ZFHX3: variants seen among roughly 807,000 people sequenced by gnomAD.
ZFHX3 encodes the protein zinc finger homeobox protein 3.
ZFHX3 carries 42 observed loss-of-function variants against 279.1 expected under a neutral mutation model. That is an observed-to-expected ratio of 0.15 (90% CI 0.12 to 0.19). ZFHX3 has a LOEUF of 0.19. Among genes scored for constraint, ZFHX3 ranks in the 10% least tolerant of loss-of-function variants. The pLI is 1.00. For missense variants in ZFHX3, 4,981 were observed against 4,754.0 expected (o/e 1.05, Z -1.40); for synonymous variants, 2,293 against 1,957.8 (o/e 1.17, Z -4.52).
intron 2 of ZFHX3, among the ~76,000 whole-genome samples, chr16:73,642,644 A>C (rs2052584221): frequency 2.0e-5 from 3 of 152,186 alleles, no homozygotes; most frequent in South Asian, 4.1e-4. Context: ...ACATTATATA[A>C]ATACCACATA....
chr16:73,241,939 A>T (rs558643817), intron 5 of ZFHX3, among the ~76,000 whole-genome samples: 1 of 152,148 alleles, frequency 6.6e-6, no homozygotes, highest in South Asian at 2.1e-4. Context: ...CCCCTTTGAG[A>T]ACTGCTCTCT....
chr16:73,280,164 A>G (rs1462040838), intron 4 of ZFHX3, among the ~76,000 whole-genome samples: 1 of 152,136 alleles, frequency 6.6e-6, no homozygotes, highest in Admixed American at 6.6e-5. Flanking sequence ...ACACCATAAC[A>G]CTCTTAGAAG....
rs779944030 is a variant in ZFHX3, at chr16:72,786,393, C to CTCTT, written c.*767_*770dup. ...TTTTTTAAGCTACAAGTCCTCAACACTCTTTGTGTGTGTGGGTTATTATTT... is the reference window on the plus strand; with the variant it reads ...TTTTTTAAGCTACAAGTCCTCAACACTCTTTCTTTGTGTGTGTGGGTTATTATTT... On this transcript the variant is annotated 3_prime_UTR_variant, in exon 10 of 10. Transcript: ENST00000268489. The CTCTT allele has an allele frequency of 1.3e-4, 20 of 151,518 alleles. No individual in the cohort carries two copies. The highest frequency in any genetic ancestry group is 2.5e-4 in the Non-Finnish European group (17 of 67,850). 9.4% of individuals were successfully genotyped at this position (151,518 alleles called of 1,614,324 possible).
At chr16:73,669,781 T>G (rs1453102607) in intron 2 of ZFHX3, among the ~76,000 whole-genome samples, 6 of 152,242 alleles carry the variant, frequency 3.9e-5, no homozygotes, top group Non-Finnish European at 8.8e-5. Context: ...TCAGTGCTAC[T>G]GAGACCGTGG....
intron 4 of ZFHX3, among the ~76,000 whole-genome samples, chr16:73,270,862 A>G (rs2014124714): frequency 6.6e-6 from 1 of 152,214 alleles, no homozygotes; most frequent in African/African-American, 2.4e-5. Context: ...TGTTCTAGGT[A>G]TGGAGGGGAA....
At chr16:73,688,157 G>A (rs963125968) in intron 1 of ZFHX3, among the ~76,000 whole-genome samples, 26 of 151,854 alleles carry the variant, frequency 1.7e-4, no homozygotes, top group African/African-American at 6.0e-4. Flanking sequence ...AGAAGTTCAA[G>A]ATTAGCCTGG....
chr16:73,240,424 C>T (rs533838481), intron 5 of ZFHX3, among the ~76,000 whole-genome samples: 118 of 152,042 alleles, frequency 7.8e-4, no homozygotes, highest in African/African-American at 2.3e-3. Context: ...TCCCCATGTT[C>T]GCCAGTCTGA....
At chr16:73,878,962 T>C (rs1016780373) in intron 1 of ZFHX3, among the ~76,000 whole-genome samples, 1 of 145,396 alleles carries the variant, frequency 6.9e-6, no homozygotes, top group African/African-American at 2.5e-5. Flanking sequence ...TATATATATA[T>C]ATAGTTGTGG....
chr16:72,877,989 G>A lies in ZFHX3; in HGVS notation c.3448+11742C>T, dbSNP rs1301067820. On this transcript the variant is annotated intron_variant, in intron 4 of 9. Transcript: ENST00000268489. ...GCAGGAGGATCACTTGAGGCCAGGA[G>A]TTCAAGAACAGCCCTGACAACATAG... Among the ~76,000 whole-genome samples the A allele has an allele frequency of 3.9e-5, 6 of 152,176 alleles. No homozygotes were observed. The East Asian group carries it at 9.7e-4, about 24-fold the overall frequency.
chr16:73,046,369 T>C (rs575015209), intron 1 of ZFHX3, among the ~76,000 whole-genome samples: 9 of 152,340 alleles, frequency 5.9e-5, no homozygotes, highest in Admixed American at 1.3e-4. Context: ...GACTCATGTT[T>C]CTTGCTACGG....
At chr16:73,297,860 C>T (rs879586524) in intron 4 of ZFHX3, among the ~76,000 whole-genome samples, 1 of 151,864 alleles carries the variant, frequency 6.6e-6, no homozygotes, top group Non-Finnish European at 1.5e-5. Flanking sequence ...GCACTTAGCA[C>T]AGTTCCTGGC....
chr16:73,364,529 C>T (rs1387070637), intron 3 of ZFHX3, among the ~76,000 whole-genome samples: 1 of 152,060 alleles, frequency 6.6e-6, no homozygotes, highest in Non-Finnish European at 1.5e-5. Flanking sequence ...CAAATAATTA[C>T]AAATTAGCCA....
intron 1 of ZFHX3, among the ~76,000 whole-genome samples, chr16:73,795,741 T>A (rs1008863698): frequency 6.6e-6 from 1 of 152,140 alleles, no homozygotes; most frequent in Admixed American, 6.5e-5. Context: ...AGAATTGCAT[T>A]CAGAATTTCA....
chr16:73,632,797 C>G (rs1266516452), intron 2 of ZFHX3, among the ~76,000 whole-genome samples: 2 of 152,148 alleles, frequency 1.3e-5, no homozygotes, highest in African/African-American at 4.8e-5. Context: ...ACAGCTGTGG[C>G]TGGGAACGGT....
At chr16:73,876,330 C>T (rs1011730239) in intron 1 of ZFHX3, among the ~76,000 whole-genome samples, 1 of 152,228 alleles carries the variant, frequency 6.6e-6, no homozygotes, top group Non-Finnish European at 1.5e-5. Flanking sequence ...AGTTTTACCA[C>T]ACCCATGTAC....
chr16:73,869,083 T>C (rs1283249792), intron 1 of ZFHX3, among the ~76,000 whole-genome samples: 1 of 152,196 alleles, frequency 6.6e-6, no homozygotes, highest in African/African-American at 2.4e-5. Context: ...TTTAAGAATA[T>C]GTCACATTAA....
intron 5 of ZFHX3, among the ~76,000 whole-genome samples, chr16:73,219,161 G>A (rs913580834): frequency 6.6e-6 from 1 of 152,200 alleles, no homozygotes; most frequent in Non-Finnish European, 1.5e-5. Context: ...TCCACTGTAT[G>A]GATAGATCAC....
chr16:72,920,435 C>T (rs2039555056), intron 3 of ZFHX3, among the ~76,000 whole-genome samples: 1 of 152,056 alleles, frequency 6.6e-6, no homozygotes, highest in South Asian at 2.1e-4. Flanking sequence ...AATCCAAGCA[C>T]TTTGGGAGGC....
intron 3 of ZFHX3, among the ~76,000 whole-genome samples, chr16:73,356,791 T>C (rs544364343): frequency 1.6e-4 from 25 of 151,944 alleles, no homozygotes; most frequent in Non-Finnish European, 2.2e-4. Flanking sequence ...ATTCATCCTA[T>C]ACATGAAGGC....
Sources: gnomAD v4.1 joint callset for allele counts (sites outside exome capture counted in the v4.1 genomes callset) on GRCh38, gnomAD v4.1.1 for gene constraint, MANE v1.5 for transcripts, NCBI Gene and HGNC (gene_info 2026-07-23, HGNC 2026-07-21) for gene names.